CPD: variants seen among roughly 807,000 people sequenced by gnomAD.
CPD encodes carboxypeptidase D.
In CPD, 69 loss-of-function variants were observed where a neutral mutation model predicts 138.3. The observed-to-expected ratio is 0.50, with a 90% confidence interval of 0.41 to 0.61. CPD has a LOEUF of 0.61. Among genes scored for constraint, CPD ranks in the 20% least tolerant of loss-of-function variants. CPD has a pLI of 0.00. For synonymous variants in CPD, 651 were observed against 642.1 expected (o/e 1.01, Z -0.21); for missense variants, 1,432 against 1,733.3 (o/e 0.83, Z 3.09).
intron 11 of CPD, among the ~76,000 whole-genome samples, chr17:30,444,853 G>A (rs924084631): frequency 7.2e-5 from 11 of 152,012 alleles, no homozygotes; most frequent in Non-Finnish European, 4.4e-5. Flanking sequence ...AAATATGAAA[G>A]CATTTTAGTC....
chr17:30,450,429 A>C (rs1597734703), intron 13 of CPD: 1 of 152,282 alleles, frequency 6.6e-6, no homozygotes, highest in South Asian at 2.1e-4. Flanking sequence ...ATATTGAAAA[A>C]TCTAGTGAAA....
rs1233621070 is a variant in CPD, at chr17:30,401,970, A to AT, written c.994+16743dup. On this transcript the variant is annotated intron_variant, in intron 2 of 20. Transcript: ENST00000225719. ...TTTTTTTTTTAAATAGCATGGCGCC[A>AT]TTTTTTTTTCTCTCCTGAGACTCCA... Among the ~76,000 whole-genome samples the AT allele has an allele frequency of 6.2e-5, 8 of 129,186 alleles. No homozygotes were observed. The South Asian group carries it at 9.6e-4, about 15-fold the overall frequency. 84.8% of individuals were successfully genotyped at this position (129,186 alleles called of 152,430 possible). A position where few individuals can be genotyped will look rare whatever the true frequency, so the allele number is the denominator to read the frequency against.
chr17:30,399,475 A>C (rs1451487741), intron 2 of CPD, among the ~76,000 whole-genome samples: 2 of 152,072 alleles, frequency 1.3e-5, no homozygotes, highest in African/African-American at 2.4e-5. Context: ...TTTTTGTTTT[A>C]TATATTTCAA....
At chr17:30,403,353 T>C (rs544856110) in intron 2 of CPD, among the ~76,000 whole-genome samples, 1 of 152,226 alleles carries the variant, frequency 6.6e-6, no homozygotes, top group African/African-American at 2.4e-5. Context: ...GGTGTGCTGT[T>C]TAAGGTCAGA....
At chr17:30,389,898 C>T (rs1373934538) in intron 2 of CPD, among the ~76,000 whole-genome samples, 1 of 152,142 alleles carries the variant, frequency 6.6e-6, no homozygotes, top group Admixed American at 6.5e-5. Flanking sequence ...GCAGTTTCCC[C>T]TTGAAGAGGA....
intron 2 of CPD, among the ~76,000 whole-genome samples, chr17:30,415,096 C>T (rs1029115972): frequency 1.3e-5 from 2 of 152,156 alleles, no homozygotes; most frequent in Non-Finnish European, 2.9e-5. Flanking sequence ...TGTTCTCTTT[C>T]ATCTTTTCAG....
chr17:30,445,024 A>G (rs1008417253), intron 11 of CPD, among the ~76,000 whole-genome samples: 19 of 151,984 alleles, frequency 1.3e-4, no homozygotes, highest in Non-Finnish European at 2.6e-4. Flanking sequence ...GGTGAGAAGG[A>G]TGTGTTTGGC....
chr17:30,383,612 A>G (rs1165677978), intron 1 of CPD, among the ~76,000 whole-genome samples: 2 of 152,172 alleles, frequency 1.3e-5, no homozygotes, highest in Non-Finnish European at 2.9e-5. Context: ...CTTATTGGCA[A>G]AGATCTGTCT....
In CPD at chr17:30,420,954, C is replaced by T. The variant is rs770390469; in HGVS notation, c.1108C>T (p.Arg370Cys). The change falls in exon 3 of 21, where the codon CGT (arginine) becomes TGT (cysteine). Residue 370 changes from arginine to cysteine, a missense_variant. By Grantham distance (180) the Arg-to-Cys change is radical. Transcript: ENST00000225719. ...GCTTCGACAGGAATGGGAGAACAATCGTGAGTCTTTGATCACATTGATTGA... is the reference window on the plus strand; with the variant it reads ...GCTTCGACAGGAATGGGAGAACAATTGTGAGTCTTTGATCACATTGATTGA... ...SQLRQEWENN[R>C]ESLITLIEKV... 13 of 1,613,660 alleles carry T rather than the reference C, an allele frequency of 8.1e-6. No homozygotes were observed. Among genetic ancestry groups the T allele is most frequent in the African/African-American group, 1.3e-5 (1 of 74,998 alleles).
chr17:30,436,503 A>G (rs1437905524), intron 8 of CPD, among the ~76,000 whole-genome samples: 2 of 152,240 alleles, frequency 1.3e-5, no homozygotes, highest in East Asian at 3.8e-4. Context: ...AAAATGGCCA[A>G]TAAGCACATG....
At position 30,462,027 on chromosome 17, in the gene CPD, G is replaced by T. The variant is rs1436528325; in HGVS notation, c.3781G>T (p.Ala1261Ser). The T allele has an allele frequency of 6.2e-7, 1 of 1,613,258 alleles. No individual in the cohort carries two copies. The highest frequency in any genetic ancestry group is 1.3e-5 in the African/African-American group (1 of 74,840). Reference sequence around the variant, plus strand: ...AGCGCCAGGTGTCCATAACATTATTGCCATCGCTGATGGGTACCAGCAACA... The same window carrying T: ...AGCGCCAGGTGTCCATAACATTATTTCCATCGCTGATGGGTACCAGCAACA... ...LLAPGVHNII[A>S]IADGYQQQHS... Residue 1261 changes from alanine to serine, a missense_variant, in exon 19 of 21, where the codon GCC becomes TCC. Coordinates refer to ENST00000225719, the MANE Select transcript of CPD (RefSeq NM_001304.5).
In CPD at chr17:30,456,584, G is replaced by A. The variant is rs148923699; in HGVS notation, c.3498+58G>A. On this transcript the variant is annotated intron_variant, in intron 17 of 20. Transcript: ENST00000225719. ...TATGGCCAGGCACAATGCCGTATGT[G>A]TAAACCCAGTGCTTTGGGAGGCCAA... The A allele has an allele frequency of 5.6e-5, 86 of 1,546,492 alleles. 1 individual carries two copies. The East Asian group carries it at 1.9e-3, about 34-fold the overall frequency.
intron 2 of CPD, among the ~76,000 whole-genome samples, chr17:30,396,325 G>T (rs1911506418): frequency 6.6e-6 from 1 of 151,734 alleles, no homozygotes; most frequent in Admixed American, 6.6e-5. Flanking sequence ...GATTAATAGG[G>T]TTCTTGTGTA....
chr17:30,399,684 C>T (rs1911602867), intron 2 of CPD, among the ~76,000 whole-genome samples: 3 of 152,058 alleles, frequency 2.0e-5, no homozygotes, highest in Admixed American at 2.0e-4. Flanking sequence ...CTTACCTATA[C>T]CATTATATTT....
intron 6 of CPD, among the ~76,000 whole-genome samples, chr17:30,424,431 G>A (rs952329156): frequency 1.3e-5 from 2 of 152,188 alleles, no homozygotes; most frequent in African/African-American, 4.8e-5. Flanking sequence ...TCCCATCATG[G>A]CCTGAACCAG....
intron 19 of CPD, 104 bp downstream of exon 19, chr17:30,462,166 T>C (rs1473196308): frequency 8.3e-7 from 1 of 1,205,104 alleles, no homozygotes; most frequent in Non-Finnish European, 1.2e-6. Context: ...AATAAAGAAA[T>C]TAAAAGTGTG....
intron 2 of CPD, among the ~76,000 whole-genome samples, chr17:30,396,065 GCTCATTAGCTTTTAAAAATA>G (rs1911500266): frequency 2.0e-5 from 3 of 152,018 alleles, no homozygotes; most frequent in African/African-American, 7.2e-5. Flanking sequence ...CAAACGTTAT[GCTCATTAGCTTTTAAAAATA>G]TCTCAGAAAG....
chr17:30,467,667 A>G lies in CPD; in HGVS notation c.*2853A>G, dbSNP rs1410688139. The G allele has an allele frequency of 6.6e-6, 1 of 152,226 alleles. No individual in the cohort carries two copies. The highest frequency in any genetic ancestry group is 2.4e-5 in the African/African-American group (1 of 41,458). 9.4% of individuals were successfully genotyped at this position (152,226 alleles called of 1,614,324 possible). A position where few individuals can be genotyped will look rare whatever the true frequency, so the allele number is the denominator to read the frequency against. ...TGAATTTAAAACTAATTATGAGTTGACAAATAAATAAAAGGTAGTGTTTAT... is the reference window on the plus strand; with the variant it reads ...TGAATTTAAAACTAATTATGAGTTGGCAAATAAATAAAAGGTAGTGTTTAT... On this transcript the variant is annotated 3_prime_UTR_variant, in exon 21 of 21. Coordinates refer to ENST00000225719, the MANE Select transcript of CPD (RefSeq NM_001304.5).
chr17:30,414,693 T>A (rs1367719309), intron 2 of CPD, among the ~76,000 whole-genome samples: 1 of 152,194 alleles, frequency 6.6e-6, no homozygotes, highest in Non-Finnish European at 1.5e-5. Context: ...TCTGAACATA[T>A]TTTGAAGTTA....
Sources: gnomAD v4.1 joint callset for allele counts (sites outside exome capture counted in the v4.1 genomes callset) on GRCh38, gnomAD v4.1.1 for gene constraint, MANE v1.5 for transcripts, NCBI Gene and HGNC (gene_info 2026-07-23, HGNC 2026-07-21) for gene names.